The following TSPEAR variants were observed in gnomAD, a reference collection of about 807,000 sequenced individuals.
TSPEAR encodes the protein thrombospondin-type laminin G domain and EAR repeat-containing protein.
TSPEAR carries 69 observed loss-of-function variants against 71.6 expected under a neutral mutation model. The ratio of observed to expected loss-of-function variants is 0.96; its 90% confidence interval spans 0.79 to 1.18. The LOEUF (loss-of-function observed/expected upper bound fraction) is 1.18. Among genes scored for constraint, TSPEAR ranks in the 50% most tolerant of loss-of-function variants. The probability of loss-of-function intolerance (pLI) is 0.00; values close to 1 mark genes in which losing one functional copy is unlikely to be tolerated. For synonymous variants in TSPEAR, 402 were observed against 387.2 expected (o/e 1.04, Z -0.45); for missense variants, 971 against 894.9 (o/e 1.09, Z -1.09).
intron 2 of TSPEAR, among the ~76,000 whole-genome samples, chr21:44,560,402 G>T (rs1230538201): frequency 6.6e-6 from 1 of 152,136 alleles, no homozygotes; most frequent in Non-Finnish European, 1.5e-5. Context: ...TTAACACCCT[G>T]CTGTCAATAT....
At chr21:44,596,357 G>A (rs185295062) in intron 1 of TSPEAR, among the ~76,000 whole-genome samples, 57 of 152,302 alleles carry the variant, frequency 3.7e-4, no homozygotes, top group African/African-American at 1.0e-3. Flanking sequence ...GTCTATACAC[G>A]TGTCACAGTC....
intron 1 of TSPEAR, among the ~76,000 whole-genome samples, chr21:44,588,663 T>TTA (rs1555925968): frequency 1.4e-5 from 2 of 148,096 alleles, no homozygotes; most frequent in Non-Finnish European, 3.0e-5. Flanking sequence ...AAAGAAACTT[T>TTA]TATATATATA....
intron 1 of TSPEAR, chr21:44,601,511 G>C: frequency 1.2e-6 from 2 of 1,613,088 alleles, no homozygotes; most frequent in African/African-American, 2.7e-5. Flanking sequence ...CAGCCGGCTT[G>C]CTGCACCACC....
At chr21:44,637,973 CCCT>C (rs1983759878) in intron 1 of TSPEAR, 1 of 1,613,896 alleles carries the variant, frequency 6.2e-7, no homozygotes, top group Non-Finnish European at 8.5e-7. Context: ...CTGCTGCAGA[CCCT>C]CCTCCTCCGT....
chr21:44,564,311 TTAAA>T, intron 2 of TSPEAR, among the ~76,000 whole-genome samples: 1 of 152,248 alleles, frequency 6.6e-6, no homozygotes, highest in Non-Finnish European at 1.5e-5. Flanking sequence ...TGTAAATAGA[TTAAA>T]TAACCCAGTC....
At chr21:44,518,111 C>T (rs2052640312) in intron 9 of TSPEAR, 1 of 355,752 alleles carries the variant, frequency 2.8e-6, no homozygotes, top group Non-Finnish European at 5.7e-6. Flanking sequence ...TGTCCAAGCT[C>T]TCTGTCTCAT....
At chr21:44,632,701 AGT>A in intron 1 of TSPEAR, among the ~76,000 whole-genome samples, 1 of 152,018 alleles carries the variant, frequency 6.6e-6, no homozygotes, top group East Asian at 1.9e-4. Context: ...AAAATAGCTG[AGT>A]GTGGTGGTGG....
chr21:44,551,374 G>C, intron 2 of TSPEAR: 1 of 1,613,234 alleles, frequency 6.2e-7, no homozygotes, highest in Non-Finnish European at 8.5e-7. Flanking sequence ...CCGCAGGGGA[G>C]CTCACAGCAG....
chr21:44,557,801 G>C, intron 2 of TSPEAR: 1 of 559,468 alleles, frequency 1.8e-6, no homozygotes, highest in Non-Finnish European at 3.1e-6. Flanking sequence ...AGGGCACATT[G>C]GTGACTTTAT....
At chr21:44,699,646 C>T (rs1028943728) in intron 1 of TSPEAR, among the ~76,000 whole-genome samples, 2 of 152,102 alleles carry the variant, frequency 1.3e-5, no homozygotes, top group South Asian at 4.1e-4. Flanking sequence ...CCTGTAACGC[C>T]GTCTCCCTGG....
rs782701303 is a variant in TSPEAR, at chr21:44,521,884, G to A, written c.1565C>T (p.Pro522Leu). Residue 522 changes from proline to leucine, a missense_variant and splice_region_variant, in exon 9 of 12, where the codon CCG (proline) becomes CTG (leucine). Pro to Leu is a moderately conservative substitution (Grantham distance 98). Transcript: ENST00000323084. ...LGSFQLFQSF[P>L]TFGAADWEVF... ...CGGGGCTCATGCGGGGGGCCTTACC[G>A]GGAAGGACTGGAAGAGCTGGAAGGA... is the stretch of plus-strand genomic sequence containing the variant. 53 of 1,613,042 alleles carry A rather than the reference G, an allele frequency of 3.3e-5. No individual in the cohort carries two copies. Among genetic ancestry groups the A allele is most frequent in the East Asian group, 8.9e-5 (4 of 44,880 alleles).
At chr21:44,645,544 G>A (rs1296656129) in intron 1 of TSPEAR, among the ~76,000 whole-genome samples, 3 of 151,772 alleles carry the variant, frequency 2.0e-5, no homozygotes, top group Admixed American at 2.0e-4. Flanking sequence ...AGTAGAGACC[G>A]GGTTTCACCA....
At chr21:44,582,405 G>A (rs1290903037) in intron 1 of TSPEAR, among the ~76,000 whole-genome samples, 1 of 152,214 alleles carries the variant, frequency 6.6e-6, no homozygotes, top group Non-Finnish European at 1.5e-5. Flanking sequence ...CAGGGAGGCA[G>A]GTGGTCCTGA....
chr21:44,506,242 AGCGG>A lies in TSPEAR; in HGVS notation c.1755-1365_1755-1362del, dbSNP rs2052198149. 6.6e-6 allele frequency among the ~76,000 whole-genome samples: 1 copy of A among 152,220 alleles called. No individual in the cohort carries two copies. Among genetic ancestry groups the A allele is most frequent in the Non-Finnish European group, 1.5e-5 (1 of 68,036 alleles). On this transcript the variant is annotated intron_variant, in intron 10 of 11. Transcript: ENST00000323084. The surrounding 1 kb of genome is among the most constrained non-coding windows in gnomAD (Gnocchi z 4.2). The stretch of plus-strand genomic sequence containing the variant: ...ATGGCTCGGTTTGAGGGGTCTGAGG[AGCGG>A]CTCCCCTGGATCCTTTCCTCCCCAG...
In TSPEAR at chr21:44,711,372, G is replaced by A. The variant is rs1187884319; in HGVS notation, c.82+61C>T. On this transcript the variant is annotated intron_variant, in intron 1 of 11. Coordinates refer to ENST00000323084, the MANE Select transcript of TSPEAR (RefSeq NM_144991.3). The surrounding 1 kb of genome is among the most constrained non-coding windows in gnomAD (Gnocchi z 4.5). The stretch of plus-strand genomic sequence containing the variant: ...TGTTAGAAAGTGGCATTTGTGACTC[G>A]ACACCCCTCCCAGCTCCCCGGCAAG... 6 of 1,470,582 alleles carry A rather than the reference G, an allele frequency of 4.1e-6. No individual in the cohort carries two copies. Among genetic ancestry groups the A allele is most frequent in the Non-Finnish European group, 5.6e-6 (6 of 1,079,724 alleles). 91.1% of individuals were successfully genotyped at this position (1,470,582 alleles called of 1,614,324 possible).
rs1392559554 is a variant in TSPEAR at position 44,623,477 on chromosome 21, GTAAA to G, written c.83-55476_83-55473del. On this transcript the variant is annotated intron_variant, in intron 1 of 11. Transcript: ENST00000323084. The surrounding 1 kb of genome is among the most constrained non-coding windows in gnomAD (Gnocchi z 4.5). The stretch of plus-strand genomic sequence containing the variant: ...TACAACTTCTAAGACATCTTATACA[GTAAA>G]TATTCATTTAGATTTCCCCATGTTG... Among the ~76,000 whole-genome samples the G allele has an allele frequency of 2.0e-5, 3 of 152,278 alleles. No individual in the cohort carries two copies. Among genetic ancestry groups the G allele is most frequent in the Admixed American group, 2.0e-4 (3 of 15,304 alleles).
At chr21:44,543,850 T>C (rs1227581603) in intron 2 of TSPEAR, among the ~76,000 whole-genome samples, 2 of 152,206 alleles carry the variant, frequency 1.3e-5, no homozygotes, top group East Asian at 1.9e-4. Context: ...AGAATAATTT[T>C]CCATTGTTTC....
intron 1 of TSPEAR, chr21:44,627,419 C>A (rs1555934631): frequency 1.2e-6 from 2 of 1,613,814 alleles, no homozygotes; most frequent in Admixed American, 3.3e-5. Flanking sequence ...TGCCAGCAGT[C>A]TAGCTGCCAG....
intron 3 of TSPEAR, 145 bp downstream of exon 3, chr21:44,533,540 C>T: frequency 1.4e-6 from 1 of 701,198 alleles, no homozygotes; most frequent in South Asian, 1.8e-5. Context: ...TGGCTCCTGC[C>T]CCTCCACCCC....
Sources: gnomAD v4.1 joint callset for allele counts (sites outside exome capture counted in the v4.1 genomes callset) on GRCh38, gnomAD v4.1.1 for gene constraint, Gnocchi (gnomAD v3.1) non-coding constraint, MANE v1.5 for transcripts, NCBI Gene and HGNC (gene_info 2026-07-23, HGNC 2026-07-21) for gene names.